SCAI: variants seen among roughly 807,000 people sequenced by gnomAD.
SCAI encodes the protein protein SCAI.
In SCAI, 24 loss-of-function variants were observed where a neutral mutation model predicts 92.2. The ratio of observed to expected loss-of-function variants is 0.26; its 90% CI spans 0.19 to 0.37. The LOEUF (loss-of-function observed/expected upper bound fraction) is 0.37, where lower values mean the gene tolerates loss of function less well. SCAI is among the 10% of genes least tolerant of loss of function. The pLI, the probability that SCAI is intolerant of heterozygous loss-of-function variation, is 1.00. For synonymous variants in SCAI, 261 were observed against 258.6 expected (o/e 1.01, Z -0.09); for missense variants, 450 against 736.2 (o/e 0.61, Z 4.50).
At chr9:125,084,709 A>C (rs765205431) in intron 2 of SCAI, among the ~76,000 whole-genome samples, 7 of 152,224 alleles carry the variant, frequency 4.6e-5, no homozygotes, top group Admixed American at 1.3e-4. Flanking sequence ...TGTGTCTACA[A>C]TCATCAAAGC....
Position 124,945,370 on chromosome 9 carries a change from A to G in SCAI, c.*7437T>C, listed in dbSNP as rs931615941. 43 of 152,258 alleles carry G rather than the reference A, an allele frequency of 2.8e-4. No individual in the cohort carries two copies. Among genetic ancestry groups the G allele is most frequent in the African/African-American group, 1.0e-3 (43 of 41,558 alleles). 9.4% of individuals were successfully genotyped at this position (152,258 alleles called of 1,614,324 possible). On this transcript the variant is annotated 3_prime_UTR_variant, in exon 18 of 18. Transcript: ENST00000336505. ...CAGGAGTTCGAGACCAACCTGGCCA[A>G]CATGGTGAAACCCCATCTCTACTAA... is the stretch of plus-strand genomic sequence containing the variant.
At chr9:124,955,109 A>G (rs1357993986) in intron 17 of SCAI, among the ~76,000 whole-genome samples, 1 of 151,658 alleles carries the variant, frequency 6.6e-6, no homozygotes, top group Non-Finnish European at 1.5e-5. Context: ...CGGAGGTTGC[A>G]GTGAGCCAAG....
chr9:125,046,052 T>C (rs1833426932), intron 3 of SCAI, among the ~76,000 whole-genome samples: 1 of 151,286 alleles, frequency 6.6e-6, no homozygotes, highest in Admixed American at 6.6e-5. Flanking sequence ...ATCCCACTAC[T>C]GGGTATCTAC....
intron 2 of SCAI, among the ~76,000 whole-genome samples, chr9:125,125,146 G>A (rs1051021045): frequency 5.9e-5 from 9 of 152,154 alleles, no homozygotes; most frequent in African/African-American, 9.7e-5. Context: ...GCTTAAATCC[G>A]GGAGGTGGAA....
chr9:124,967,082 T>C (rs1431498911), intron 17 of SCAI, among the ~76,000 whole-genome samples: 1 of 152,230 alleles, frequency 6.6e-6, no homozygotes, highest in South Asian at 2.1e-4. Flanking sequence ...TGGAGCCTTG[T>C]TGCTTCATGT....
rs965342954 is a variant in SCAI, at chr9:124,968,556, T to C, written c.1674+2814A>G. The C allele has an allele frequency of 6.6e-6, 6 of 903,118 alleles. No individual in the cohort carries two copies. The African/African-American group carries it at 8.2e-5, about 12-fold the overall frequency. The allele number at this position is 903,118 out of a possible 1,614,324, so 55.9% of individuals were successfully genotyped here. A position where few individuals can be genotyped will look rare whatever the true frequency, so the allele number is the denominator to read the frequency against. Reference sequence around the variant, plus strand: ...TAAGACACCACTCCCAAAGGAAACATCATAGTCCTCAAACGTGTATGGCTT... The same window carrying C: ...TAAGACACCACTCCCAAAGGAAACACCATAGTCCTCAAACGTGTATGGCTT... On this transcript the variant is annotated intron_variant, in intron 17 of 17. Coordinates refer to ENST00000336505, the MANE Select transcript of SCAI (RefSeq NM_001144877.3).
intron 3 of SCAI, among the ~76,000 whole-genome samples, chr9:125,040,260 G>A (rs374368756): frequency 5.3e-5 from 8 of 152,276 alleles, no homozygotes; most frequent in African/African-American, 1.9e-4. Context: ...GGGTGGCTGA[G>A]GTGGGAGGAT....
intron 9 of SCAI, among the ~76,000 whole-genome samples, chr9:125,005,687 C>T (rs1457534159): frequency 1.3e-5 from 2 of 152,144 alleles, no homozygotes; most frequent in Non-Finnish European, 2.9e-5. Flanking sequence ...GGCACTAATG[C>T]CTTGTTTTCC....
At chr9:125,136,706 G>A (rs1396815714) in intron 2 of SCAI, among the ~76,000 whole-genome samples, 1 of 151,478 alleles carries the variant, frequency 6.6e-6, no homozygotes, top group Non-Finnish European at 1.5e-5. Context: ...TGATCTGCCA[G>A]CCTGGGCCTC....
At chr9:125,103,409 AAG>A (rs1834717565) in intron 2 of SCAI, among the ~76,000 whole-genome samples, 1 of 152,178 alleles carries the variant, frequency 6.6e-6, no homozygotes, top group Non-Finnish European at 1.5e-5. Context: ...GCTCCAAATT[AAG>A]ATTTTTAATA....
chr9:125,026,058 A>G (rs1832958708), intron 6 of SCAI, among the ~76,000 whole-genome samples: 1 of 152,082 alleles, frequency 6.6e-6, no homozygotes, highest in Non-Finnish European at 1.5e-5. Context: ...ACAATTCCAT[A>G]CTCATCTGGA....
chr9:125,131,341 G>A (rs1009787479), intron 2 of SCAI, among the ~76,000 whole-genome samples: 4 of 150,824 alleles, frequency 2.7e-5, no homozygotes, highest in Non-Finnish European at 5.9e-5. Context: ...CCGGGAGGCG[G>A]AGGTTGCAGT....
chr9:125,117,014 A>C (rs1374337208), intron 2 of SCAI, among the ~76,000 whole-genome samples: 1 of 152,218 alleles, frequency 6.6e-6, no homozygotes, highest in African/African-American at 2.4e-5. Context: ...AGAATAAAGA[A>C]AAATCTGAGG....
rs149720099 is a variant in SCAI, at chr9:124,960,525, G to A, written c.1675-7572C>T. ...GAGCTACTGATATCTGAAACAACTG[G>A]AATGAATCTCAAGCACAATGCAATG... is the stretch of plus-strand genomic sequence containing the variant. On this transcript the variant is annotated intron_variant, in intron 17 of 17. Transcript: ENST00000336505. Among the ~76,000 whole-genome samples, 7 of 152,288 alleles carry A rather than the reference G, an allele frequency of 4.6e-5. No individual in the cohort carries two copies. In the East Asian group the frequency reaches 9.6e-4, roughly 21 times the overall value.
At chr9:124,993,439 A>C (rs1210832778) in intron 14 of SCAI, among the ~76,000 whole-genome samples, 1 of 152,158 alleles carries the variant, frequency 6.6e-6, no homozygotes, top group Non-Finnish European at 1.5e-5. Flanking sequence ...AAATACTAAA[A>C]ATTAGCCGGG....
At chr9:125,072,248 T>G (rs925852087) in intron 2 of SCAI, among the ~76,000 whole-genome samples, 2 of 152,174 alleles carry the variant, frequency 1.3e-5, no homozygotes, top group Non-Finnish European at 2.9e-5. Flanking sequence ...GGTCTCGATC[T>G]CCTGACCTCA....
chr9:124,970,347 C>T (rs186425733), intron 17 of SCAI, among the ~76,000 whole-genome samples: 1 of 152,036 alleles, frequency 6.6e-6, no homozygotes, highest in East Asian at 1.9e-4. Flanking sequence ...AGAATACATA[C>T]AATATGGATT....
chr9:124,944,466 A>ATTTTTTTTTTTTTTTTTTT lies in SCAI; in HGVS notation c.*8322_*8340dup, dbSNP rs71374207. ...AGGCGCACACCACCATGCCTGGCTAATTTTTTTTTTTTTTTTTTTTTTTTT... is the reference window on the plus strand; with the variant it reads ...AGGCGCACACCACCATGCCTGGCTAATTTTTTTTTTTTTTTTTTTTTTTTTTTTTTTTTTTTTTTTTTTT... On this transcript the variant is annotated 3_prime_UTR_variant, in exon 18 of 18. Coordinates refer to ENST00000336505, the MANE Select transcript of SCAI (RefSeq NM_001144877.3). The ATTTTTTTTTTTTTTTTTTT allele has an allele frequency of 5.9e-5, 5 of 84,726 alleles. No homozygotes were observed. The highest frequency in any genetic ancestry group is 1.6e-4 in the Admixed American group (1 of 6,166). The allele number at this position is 84,726 out of a possible 1,614,324, so 5.2% of individuals were successfully genotyped here. A position where few individuals can be genotyped will look rare whatever the true frequency, so the allele number is the denominator to read the frequency against.
chr9:125,012,729 T>C (rs1816332917), intron 9 of SCAI, among the ~76,000 whole-genome samples: 2 of 152,084 alleles, frequency 1.3e-5, no homozygotes, highest in African/African-American at 4.8e-5. Flanking sequence ...AATATACATT[T>C]TTTTCAGCAC....
Sources: gnomAD v4.1 joint callset for allele counts (sites outside exome capture counted in the v4.1 genomes callset) on GRCh38, gnomAD v4.1.1 for gene constraint, MANE v1.5 for transcripts, NCBI Gene and HGNC (gene_info 2026-07-23, HGNC 2026-07-21) for gene names.